The following DAB1 variants were observed in gnomAD, a reference collection of about 807,000 sequenced individuals.
The protein encoded by DAB1 is disabled homolog 1.
In DAB1, 15 loss-of-function variants were observed where a neutral mutation model predicts 64.6. The observed-to-expected ratio is 0.23, with a 90% CI of 0.16 to 0.36. DAB1 has a LOEUF of 0.36. DAB1 is among the 10% of genes least tolerant of loss of function. The pLI is 1.00. For synonymous variants in DAB1, 235 were observed against 251.9 expected (o/e 0.93, Z 0.64); for missense variants, 596 against 706.7 (o/e 0.84, Z 1.78).
rs192795732 is a variant in DAB1, at chr1:57,749,943, T to C, written n.552-100278A>G. On this transcript the variant is annotated intron_variant and non_coding_transcript_variant, in intron 6 of 20. Coordinates refer to the DAB1 transcript ENST00000485760. ...CTGGATGCTTTTATTTTAGGAAACA[T>C]TGCAAATCCATCCTGGTGAAAAAAA... Among the ~76,000 whole-genome samples the C allele has an allele frequency of 4.6e-3, 698 of 152,188 alleles. 3 individuals are homozygous for C. The highest frequency in any genetic ancestry group is 0.011 in the African/African-American group (465 of 41,522).
At chr1:58,287,967 A>G (rs1291764050) in intron 4 of DAB1, among the ~76,000 whole-genome samples, 1 of 141,818 alleles carries the variant, frequency 7.1e-6, no homozygotes, top group Non-Finnish European at 1.5e-5. Flanking sequence ...GGCTACAGTG[A>G]GCTGAGATCA....
At chr1:57,756,377 A>C (rs958023507) in intron 6 of DAB1, among the ~76,000 whole-genome samples, 1 of 152,182 alleles carries the variant, frequency 6.6e-6, no homozygotes, top group Non-Finnish European at 1.5e-5. Flanking sequence ...TGCAGTGAAG[A>C]ATCCTGAAAG....
At chr1:57,451,786 G>C (rs1686378713) in intron 7 of DAB1, among the ~76,000 whole-genome samples, 1 of 152,124 alleles carries the variant, frequency 6.6e-6, no homozygotes, top group Non-Finnish European at 1.5e-5. Context: ...TTTGCGGGGA[G>C]AGGGTGAAAA....
intron 3 of DAB1, among the ~76,000 whole-genome samples, chr1:58,449,929 TGTG>T (rs1645114137): frequency 6.6e-6 from 1 of 152,242 alleles, no homozygotes; most frequent in Non-Finnish European, 1.5e-5. Flanking sequence ...CACCTGATTA[TGTG>T]GTCAAATCAG....
intron 5 of DAB1, among the ~76,000 whole-genome samples, chr1:58,124,462 A>G (rs1290136129): frequency 6.6e-6 from 1 of 152,172 alleles, no homozygotes; most frequent in Non-Finnish European, 1.5e-5. Flanking sequence ...GTCAGGGGAA[A>G]GATGAGTTGC....
intron 5 of DAB1, among the ~76,000 whole-genome samples, chr1:58,015,869 C>T (rs1193670519): frequency 1.3e-5 from 2 of 152,064 alleles, no homozygotes; most frequent in Admixed American, 6.6e-5. Context: ...GAGATACAAA[C>T]GGAAGCTGGG....
intron 5 of DAB1, among the ~76,000 whole-genome samples, chr1:58,024,346 T>TG (rs1275381904): frequency 6.6e-6 from 1 of 152,168 alleles, no homozygotes; most frequent in East Asian, 1.9e-4. Flanking sequence ...CTTTGGACAA[T>TG]TAGCTTACCT....
intron 2 of DAB1, among the ~76,000 whole-genome samples, chr1:57,226,157 G>A (rs1667243961): frequency 1.3e-5 from 2 of 152,092 alleles, no homozygotes; most frequent in African/African-American, 4.8e-5. Flanking sequence ...CAATATTTAA[G>A]TACATCATCC....
chr1:57,756,782 G>A (rs1242460359), intron 6 of DAB1, among the ~76,000 whole-genome samples: 1 of 152,126 alleles, frequency 6.6e-6, no homozygotes, highest in Non-Finnish European at 1.5e-5. Context: ...CATCTACTAA[G>A]TGGTAAAGCA....
At chr1:58,259,006 G>A (rs1660992995) in intron 4 of DAB1, among the ~76,000 whole-genome samples, 1 of 152,038 alleles carries the variant, frequency 6.6e-6, no homozygotes, top group African/African-American at 2.4e-5. Context: ...CCTGAGCTGT[G>A]GTTTCCTCTA....
intron 2 of DAB1, among the ~76,000 whole-genome samples, chr1:57,160,633 G>A (rs1410759453): frequency 6.6e-6 from 1 of 152,154 alleles, no homozygotes; most frequent in African/African-American, 2.4e-5. Context: ...AATACAGCAG[G>A]AAAGCTGGAT....
At chr1:58,190,043 C>T (rs1184054431) in intron 4 of DAB1, among the ~76,000 whole-genome samples, 4 of 152,148 alleles carry the variant, frequency 2.6e-5, no homozygotes, top group Non-Finnish European at 4.4e-5. Context: ...GCTTTTGCCT[C>T]GGCTTCTGCT....
At chr1:58,132,736 C>A (rs887367004) in intron 5 of DAB1, among the ~76,000 whole-genome samples, 4 of 152,154 alleles carry the variant, frequency 2.6e-5, no homozygotes, top group African/African-American at 4.8e-5. Context: ...GAGAGCCAGC[C>A]TCGCCAGGAT....
At chr1:57,003,973 T>C (rs564738625) in intron 14 of DAB1, among the ~76,000 whole-genome samples, 1 of 152,318 alleles carries the variant, frequency 6.6e-6, no homozygotes, top group South Asian at 2.1e-4. Flanking sequence ...GTTTGTTTTT[T>C]CTAGAGTTTC....
chr1:57,748,462 T>G (rs1648390361), intron 6 of DAB1, among the ~76,000 whole-genome samples: 1 of 152,212 alleles, frequency 6.6e-6, no homozygotes, highest in South Asian at 2.1e-4. Context: ...AATAAATAAA[T>G]GTATGTTAAA....
chr1:58,475,317 A>T (rs903028007), intron 3 of DAB1, among the ~76,000 whole-genome samples: 10 of 152,040 alleles, frequency 6.6e-5, no homozygotes, highest in African/African-American at 2.2e-4. Flanking sequence ...CACCACAACC[A>T]CATCTGGCTA....
At chr1:58,195,360 A>T (rs1657617325) in intron 4 of DAB1, among the ~76,000 whole-genome samples, 1 of 152,230 alleles carries the variant, frequency 6.6e-6, no homozygotes, top group Non-Finnish European at 1.5e-5. Flanking sequence ...GAAGTAGATG[A>T]TAGAATTGCA....
At chr1:57,017,697 A>G (rs1646479204) in intron 11 of DAB1, among the ~76,000 whole-genome samples, 3 of 152,212 alleles carry the variant, frequency 2.0e-5, no homozygotes, top group Admixed American at 6.5e-5. Flanking sequence ...AATGGAGAAT[A>G]TCTTGTAAGA....
chr1:57,045,182 G>T (rs1191426783), intron 9 of DAB1, among the ~76,000 whole-genome samples: 1 of 152,190 alleles, frequency 6.6e-6, no homozygotes, highest in Non-Finnish European at 1.5e-5. Context: ...TAGGGTGAGT[G>T]GTTAGGGTTC....
Sources: allele counts gnomAD v4.1 joint callset (sites outside exome capture counted in the v4.1 genomes callset), GRCh38; gene constraint gnomAD v4.1.1; transcripts MANE v1.5; gene names NCBI Gene and HGNC (gene_info 2026-07-23, HGNC 2026-07-21).